SNX9: variants seen among roughly 807,000 people sequenced by gnomAD.
SNX9 encodes sorting nexin 9, also known as sorting nexin-9.
A neutral mutation model predicts 89.4 loss-of-function variants in SNX9; 44 were observed. The ratio of observed to expected loss-of-function variants is 0.49; its 90% confidence interval spans 0.39 to 0.63. The LOEUF (loss-of-function observed/expected upper bound fraction) is 0.63, where lower values mean the gene tolerates loss of function less well. Ranked by LOEUF, SNX9 falls within the 30% of genes least tolerant of loss-of-function variation. The probability of loss-of-function intolerance (pLI) is 0.00; values close to 1 mark genes in which losing one functional copy is unlikely to be tolerated. For synonymous variants in SNX9, 236 were observed against 247.8 expected, an observed-to-expected ratio of 0.95 and a Z score of 0.45; for missense variants, 578 against 736.1, an observed-to-expected ratio of 0.79 and a Z score of 2.49.
chr6:157,843,621 T>G (rs1189974699), intron 1 of SNX9, among the ~76,000 whole-genome samples: 1 of 152,202 alleles, frequency 6.6e-6, no homozygotes, highest in Non-Finnish European at 1.5e-5. Flanking sequence ...AAAGGTTAAC[T>G]GTACTGATTA....
At chr6:157,825,623 T>A (rs1781328922) in intron 1 of SNX9, among the ~76,000 whole-genome samples, 1 of 152,190 alleles carries the variant, frequency 6.6e-6, no homozygotes, top group South Asian at 2.1e-4. Context: ...CTAATCACTG[T>A]TCCACATGGT....
intron 1 of SNX9, among the ~76,000 whole-genome samples, chr6:157,844,692 C>CA (rs1781771016): frequency 6.7e-6 from 1 of 150,296 alleles, no homozygotes; most frequent in South Asian, 2.1e-4. Flanking sequence ...CTCCCAAGGT[C>CA]AAGGGGTTCT....
At chr6:157,927,502 T>C (rs1246144683) in intron 11 of SNX9, among the ~76,000 whole-genome samples, 1 of 152,204 alleles carries the variant, frequency 6.6e-6, no homozygotes, top group Non-Finnish European at 1.5e-5. Flanking sequence ...CCAAGCGGCA[T>C]GGAGCCACCT....
At chr6:157,841,131 G>A (rs528399690) in intron 1 of SNX9, among the ~76,000 whole-genome samples, 28 of 152,266 alleles carry the variant, frequency 1.8e-4, no homozygotes, top group African/African-American at 6.3e-4. Context: ...ATGCTGTTAT[G>A]GGCTAAGAAG....
intron 1 of SNX9, among the ~76,000 whole-genome samples, chr6:157,830,828 A>G (rs1340804062): frequency 2.6e-5 from 4 of 152,018 alleles, no homozygotes; most frequent in African/African-American, 4.8e-5. Flanking sequence ...TTCTTTCTGG[A>G]ACTCTAGTAA....
intron 15 of SNX9, among the ~76,000 whole-genome samples, chr6:157,938,285 G>A (rs894456190): frequency 6.6e-6 from 1 of 152,192 alleles, no homozygotes; most frequent in African/African-American, 2.4e-5. Context: ...CCTGTACCTA[G>A]CCACATGACT....
intron 10 of SNX9, among the ~76,000 whole-genome samples, chr6:157,922,629 A>G (rs1407932022): frequency 6.6e-6 from 1 of 152,164 alleles, no homozygotes; most frequent in Admixed American, 6.5e-5. Context: ...TAACATACAT[A>G]TTTGGGCCTT....
At chr6:157,927,980 A>G (rs1783731249) in intron 11 of SNX9, among the ~76,000 whole-genome samples, 1 of 152,088 alleles carries the variant, frequency 6.6e-6, no homozygotes. Context: ...CAGAGAGAAA[A>G]TCAGTGTTAA....
chr6:157,847,427 C>G (rs899464031), intron 1 of SNX9, among the ~76,000 whole-genome samples: 1 of 152,064 alleles, frequency 6.6e-6, no homozygotes, highest in African/African-American at 2.4e-5. Flanking sequence ...TTAAAAAGAC[C>G]AAGAAAAATG....
chr6:157,910,757 T>A, intron 9 of SNX9, among the ~76,000 whole-genome samples: 1 of 152,220 alleles, frequency 6.6e-6, no homozygotes, highest in Middle Eastern at 3.4e-3. Context: ...GTCAGGGAAT[T>A]GTTTTTGTTT....
At chr6:157,929,795 T>C (rs1241637764) in intron 12 of SNX9, among the ~76,000 whole-genome samples, 1 of 152,064 alleles carries the variant, frequency 6.6e-6, no homozygotes, top group Non-Finnish European at 1.5e-5. Context: ...GGAAACTAAA[T>C]ATGGAGTGAC....
chr6:157,944,357 A>G lies in SNX9; in HGVS notation c.*1519A>G, dbSNP rs1023700384. 3.3e-5 allele frequency: 5 copies of G among 152,518 alleles called. No individual in the cohort carries two copies. Among genetic ancestry groups the G allele is most frequent in the Admixed American group, 6.5e-5 (1 of 15,270 alleles). 9.4% of individuals were successfully genotyped at this position (152,518 alleles called of 1,614,324 possible). A position where few individuals can be genotyped will look rare whatever the true frequency, so the allele number is the denominator to read the frequency against. On this transcript the variant is annotated 3_prime_UTR_variant, in exon 18 of 18. Transcript: ENST00000392185. ...TTTCATAAGTAATTCTCCCCACTTG[A>G]TTTTTCTTCTATAAAATCCCATAGA...
chr6:157,870,550 C>T lies in SNX9; in HGVS notation c.100-2552C>T, dbSNP rs568171691. On this transcript the variant is annotated intron_variant, in intron 2 of 17. Coordinates refer to ENST00000392185, the MANE Select transcript of SNX9 (RefSeq NM_016224.5). ...CAAGCACGCACACCCCTCAGACACT[C>T]TCACCTGCTCTCACACATATATGCA... Among the ~76,000 whole-genome samples the T allele has an allele frequency of 6.2e-5, 9 of 144,184 alleles. No homozygotes were observed. In the South Asian group the frequency reaches 2.0e-3, roughly 32 times the overall value. The allele number at this position is 144,184 out of a possible 152,430, so 94.6% of individuals were successfully genotyped here. A position where few individuals can be genotyped will look rare whatever the true frequency, so the allele number is the denominator to read the frequency against.
At chr6:157,832,883 T>G (rs1246471906) in intron 1 of SNX9, among the ~76,000 whole-genome samples, 1 of 152,130 alleles carries the variant, frequency 6.6e-6, no homozygotes, top group Non-Finnish European at 1.5e-5. Flanking sequence ...GTACTTTGAG[T>G]GAGTTTTAAA....
chr6:157,872,848 T>C (rs1170339022), intron 2 of SNX9: 1 of 304,000 alleles, frequency 3.3e-6, no homozygotes, highest in African/African-American at 2.2e-5. Flanking sequence ...AAGATGAGGG[T>C]CATCTAATCA....
At chr6:157,908,356 G>A (rs1387808047) in intron 7 of SNX9, among the ~76,000 whole-genome samples, 1 of 152,162 alleles carries the variant, frequency 6.6e-6, no homozygotes, top group South Asian at 2.1e-4. Flanking sequence ...TACAGTCCAT[G>A]TGTTTGTTTT....
In SNX9 at chr6:157,921,411, T is replaced by C. The variant is rs1583238431; in HGVS notation, c.950-120T>C. 6 of 1,009,860 alleles carry C rather than the reference T, an allele frequency of 5.9e-6. No individual in the cohort carries two copies. The East Asian group carries it at 1.5e-4, about 25-fold the overall frequency. The allele number at this position is 1,009,860 out of a possible 1,614,324, so 62.6% of individuals were successfully genotyped here. On this transcript the variant is annotated intron_variant, in intron 9 of 17. Transcript: ENST00000392185. ...GTTAAAAATCTCCATGGTTTACCTT[T>C]TGCTAAATAGCTTTCTACCCAATAG...
At chr6:157,846,389 G>C (rs1383827349) in intron 1 of SNX9, among the ~76,000 whole-genome samples, 1 of 152,238 alleles carries the variant, frequency 6.6e-6, no homozygotes, top group African/African-American at 2.4e-5. Context: ...AAATTGCCCT[G>C]AAGAGGAACT....
At chr6:157,925,315 G>A (rs1050699766) in intron 10 of SNX9, among the ~76,000 whole-genome samples, 4 of 150,872 alleles carry the variant, frequency 2.7e-5, no homozygotes, top group South Asian at 2.1e-4. Flanking sequence ...CACTACACAC[G>A]TGCCAGAATG....
Sources: allele counts gnomAD v4.1 joint callset (sites outside exome capture counted in the v4.1 genomes callset), GRCh38; gene constraint gnomAD v4.1.1; transcripts MANE v1.5; gene names NCBI Gene and HGNC (gene_info 2026-07-23, HGNC 2026-07-21).